Variants in LRP1B observed in about 807,000 individuals in gnomAD.
LRP1B encodes low-density lipoprotein receptor-related protein 1B.
LRP1B carries 217 observed loss-of-function variants against 556.6 expected under a neutral mutation model. The observed-to-expected ratio is 0.39, with a 90% CI of 0.35 to 0.44. The LOEUF is 0.44. Ranked by LOEUF, LRP1B falls within the 20% of genes least tolerant of loss-of-function variation. The pLI is 1.00. For missense variants in LRP1B, 5,053 were observed against 5,620.8 expected (o/e 0.90, Z 3.23); for synonymous variants, 2,047 against 1,865.8 (o/e 1.10, Z -2.50).
At chr2:141,974,754 G>T (rs1004631850) in intron 1 of LRP1B, among the ~76,000 whole-genome samples, 1 of 152,064 alleles carries the variant, frequency 6.6e-6, no homozygotes, top group Non-Finnish European at 1.5e-5. Flanking sequence ...CAACTAGCCT[G>T]ACAACTACTG....
chr2:141,213,306 A>G (rs531833346), intron 6 of LRP1B, among the ~76,000 whole-genome samples: 1 of 152,292 alleles, frequency 6.6e-6, no homozygotes, highest in South Asian at 2.1e-4. Flanking sequence ...TACATTTAAT[A>G]AAGATTAATA....
intron 2 of LRP1B, among the ~76,000 whole-genome samples, chr2:141,577,788 G>T (rs1290168323): frequency 6.6e-6 from 1 of 152,150 alleles, no homozygotes; most frequent in East Asian, 1.9e-4. Context: ...TCTAAAGCAT[G>T]ATTACTGTAT....
Position 140,934,901 on chromosome 2 carries a change from C to T in LRP1B, c.3137-11754G>A, listed in dbSNP as rs950818922. Among the ~76,000 whole-genome samples, 4 of 152,112 alleles carry T rather than the reference C, an allele frequency of 2.6e-5. No homozygotes were observed. The East Asian group carries it at 7.7e-4, about 29-fold the overall frequency. ...GATATAAAAGACTAGGATGTTCAAA[C>T]ACAACCACTTATACAAATGAAATTA... On this transcript the variant is annotated intron_variant, in intron 20 of 90. Transcript: ENST00000389484.
chr2:141,442,170 T>C (rs761338247), intron 3 of LRP1B, among the ~76,000 whole-genome samples: 3 of 151,550 alleles, frequency 2.0e-5, no homozygotes, highest in Non-Finnish European at 2.9e-5. Flanking sequence ...AGAGAATGAG[T>C]AGCTGATTGC....
rs1690843931 is a variant in LRP1B, at chr2:140,534,132, T to A, written c.7651A>T (p.Ser2551Cys). Residue 2551 changes from serine to cysteine, a missense_variant, in exon 47 of 91, where the codon AGC (serine) becomes TGC (cysteine). Coordinates refer to ENST00000389484, the MANE Select transcript of LRP1B (RefSeq NM_018557.3). The part of the protein sequence containing the change: ...DEKLLYCENR[S>C]CRRGFKPCYN... ...CATGGCTTGAAGCCTCTTCGACAGC[T>A]TCTGTTTTCTTATAAATAAAAGTAG... The A allele has an allele frequency of 6.2e-7, 1 of 1,610,986 alleles. No individual in the cohort carries two copies. Among genetic ancestry groups the A allele is most frequent in the Non-Finnish European group, 8.5e-7 (1 of 1,178,614 alleles).
chr2:141,824,367 C>A (rs1696853701), intron 1 of LRP1B, among the ~76,000 whole-genome samples: 1 of 152,106 alleles, frequency 6.6e-6, no homozygotes, highest in Admixed American at 6.5e-5. Context: ...GTTCTCATAA[C>A]CCTTCATGGA....
At chr2:140,770,353 A>T (rs1160181687) in intron 34 of LRP1B, among the ~76,000 whole-genome samples, 3 of 152,044 alleles carry the variant, frequency 2.0e-5, no homozygotes, top group African/African-American at 7.2e-5. Flanking sequence ...TGATCATTAG[A>T]TATAAAAGAT....
intron 2 of LRP1B, among the ~76,000 whole-genome samples, chr2:141,607,789 G>C (rs551713231): frequency 3.3e-5 from 5 of 152,230 alleles, no homozygotes; most frequent in African/African-American, 1.2e-4. Flanking sequence ...GTTGGGCATG[G>C]TTGCACATCT....
intron 7 of LRP1B, among the ~76,000 whole-genome samples, chr2:141,160,021 G>C (rs1443206710): frequency 1.3e-5 from 2 of 151,966 alleles, no homozygotes; most frequent in East Asian, 3.9e-4. Context: ...AGAGAACTTA[G>C]AGGGCAGGTC....
chr2:142,051,515 T>C (rs1704456494), intron 1 of LRP1B, among the ~76,000 whole-genome samples: 1 of 151,838 alleles, frequency 6.6e-6, no homozygotes, highest in Non-Finnish European at 1.5e-5. Context: ...TCTCGCTCTG[T>C]CACCCAGGCT....
intron 18 of LRP1B, among the ~76,000 whole-genome samples, chr2:140,963,735 T>C (rs1401196660): frequency 6.6e-6 from 1 of 152,028 alleles, no homozygotes; most frequent in East Asian, 1.9e-4. Context: ...GGTGGGCAGA[T>C]CCCGTAAGGT....
intron 32 of LRP1B, among the ~76,000 whole-genome samples, 168 bp downstream of exon 32, chr2:140,813,489 T>C (rs1267238583): frequency 6.6e-6 from 1 of 152,156 alleles, no homozygotes; most frequent in Non-Finnish European, 1.5e-5. Flanking sequence ...TATAAGTCTG[T>C]TTGCTAAAGA....
rs148066097 is a variant in LRP1B at position 140,834,479 on chromosome 2, C to A, written c.5209+5512G>T. ...GATCTGGATCTCATGACCTCGTGAT[C>A]TGCACACCTTGGCCTCCCAAAGTGC... On this transcript the variant is annotated intron_variant, in intron 31 of 90. Coordinates refer to ENST00000389484, the MANE Select transcript of LRP1B (RefSeq NM_018557.3). 4.8e-3 allele frequency among the ~76,000 whole-genome samples: 727 copies of A among 152,322 alleles called. 10 individuals carry two copies. The highest frequency in any genetic ancestry group is 0.016 in the African/African-American group (667 of 41,572).
At chr2:141,164,496 T>C (rs1680167453) in intron 7 of LRP1B, among the ~76,000 whole-genome samples, 1 of 152,110 alleles carries the variant, frequency 6.6e-6, no homozygotes, top group Non-Finnish European at 1.5e-5. Context: ...AATAAATGAA[T>C]AGATAAAATT....
At chr2:141,346,289 C>G (rs1307951629) in intron 3 of LRP1B, among the ~76,000 whole-genome samples, 2 of 151,984 alleles carry the variant, frequency 1.3e-5, no homozygotes, top group Non-Finnish European at 2.9e-5. Context: ...TTAAAAAAAG[C>G]AACCCGTTGG....
intron 35 of LRP1B, among the ~76,000 whole-genome samples, chr2:140,718,394 T>G (rs1304559373): frequency 1.3e-5 from 2 of 152,008 alleles, no homozygotes; most frequent in Non-Finnish European, 2.9e-5. Flanking sequence ...CACTTTTTTC[T>G]TCTTTCAATA....
At chr2:140,269,289 G>A (rs1446195018) in intron 86 of LRP1B, 2 of 470,810 alleles carry the variant, frequency 4.2e-6, no homozygotes, top group South Asian at 1.6e-5. Flanking sequence ...CTCATTAAAC[G>A]CAGTTAAAGT....
chr2:141,004,503 A>T (rs990655163), intron 15 of LRP1B, among the ~76,000 whole-genome samples: 1 of 152,010 alleles, frequency 6.6e-6, no homozygotes, highest in Non-Finnish European at 1.5e-5. Context: ...TGACATTTGG[A>T]CCAGATGTAC....
chr2:141,112,211 A>G (rs1211004358), intron 7 of LRP1B, among the ~76,000 whole-genome samples: 1 of 152,174 alleles, frequency 6.6e-6, no homozygotes, highest in Non-Finnish European at 1.5e-5. Flanking sequence ...ATCAAATAGC[A>G]GTGTCTTTTG....
Sources: gnomAD v4.1 joint callset for allele counts (sites outside exome capture counted in the v4.1 genomes callset) on GRCh38, gnomAD v4.1.1 for gene constraint, MANE v1.5 for transcripts, NCBI Gene and HGNC (gene_info 2026-07-23, HGNC 2026-07-21) for gene names.